Variants in UBE2R2 observed in about 807,000 individuals in gnomAD.
UBE2R2 encodes the protein ubiquitin-conjugating enzyme E2 R2.
UBE2R2 carries 1 observed loss-of-function variant against 27.8 expected under a neutral mutation model. The observed-to-expected ratio is 0.04, with a 90% CI of 0.01 to 0.17. The LOEUF is 0.17. Ranked by LOEUF, UBE2R2 falls within the 10% of genes least tolerant of loss-of-function variation. The probability of loss-of-function intolerance (pLI) is 1.00; values close to 1 mark genes in which losing one functional copy is unlikely to be tolerated. For missense variants in UBE2R2, 100 were observed against 291.0 expected, an observed-to-expected ratio of 0.34 and a Z score of 4.78; for synonymous variants, 106 against 113.3, an observed-to-expected ratio of 0.94 and a Z score of 0.41.
chr9:33,840,077 TG>T (rs912916825), intron 1 of UBE2R2, among the ~76,000 whole-genome samples: 1 of 152,222 alleles, frequency 6.6e-6, no homozygotes, highest in Admixed American at 6.5e-5. Flanking sequence ...TAAGTAGGTA[TG>T]TTTTCTAAGT....
intron 1 of UBE2R2, among the ~76,000 whole-genome samples, chr9:33,847,271 A>G (rs769794027): frequency 1.3e-5 from 2 of 151,418 alleles, no homozygotes; most frequent in Non-Finnish European, 2.9e-5. Context: ...TAATTTTTGT[A>G]TTTTTAGTGG....
chr9:33,917,142 G>C lies in UBE2R2; in HGVS notation c.622G>C (p.Asp208His). Residue 208 changes from aspartate (D) to histidine (H), a missense_variant, in exon 5 of 5, where the codon GAC (aspartate) becomes CAC (histidine). Physicochemically the swap from Asp to His is moderately conservative, Grantham distance 81. This residue lies in a region of UBE2R2 where 55 missense variants were observed against 122.6 expected (regional missense o/e 0.45). Coordinates refer to ENST00000263228, the MANE Select transcript of UBE2R2 (RefSeq NM_017811.4). ...TGACAACAGCTCAGATTTGCTTTAC[G>C]ACGACTTGTATGATGACGACATTGA... ...SNDNSSDLLY[D>H]DLYDDDIDDE... The C allele has an allele frequency of 6.2e-7, 1 of 1,614,134 alleles. No homozygotes were observed. The highest frequency in any genetic ancestry group is 8.5e-7 in the Non-Finnish European group (1 of 1,180,024).
At chr9:33,883,176 G>A (rs1821769435) in intron 1 of UBE2R2, among the ~76,000 whole-genome samples, 1 of 152,146 alleles carries the variant, frequency 6.6e-6, no homozygotes, top group African/African-American at 2.4e-5. Flanking sequence ...ACAAAACTTA[G>A]TGAATGCAAG....
intron 1 of UBE2R2, among the ~76,000 whole-genome samples, chr9:33,861,366 G>T (rs990521887): frequency 5.9e-5 from 9 of 152,034 alleles, no homozygotes; most frequent in Non-Finnish European, 1.2e-4. Context: ...TCAGGAGTTT[G>T]AGACTAGCCT....
intron 1 of UBE2R2, among the ~76,000 whole-genome samples, chr9:33,825,456 G>A (rs373469463): frequency 5.3e-5 from 8 of 152,026 alleles, no homozygotes; most frequent in East Asian, 3.9e-4. Context: ...GGTCAGGGTG[G>A]TCTCAAACTC....
intron 1 of UBE2R2, among the ~76,000 whole-genome samples, chr9:33,861,928 A>G (rs1412609586): frequency 7.0e-6 from 1 of 143,360 alleles, no homozygotes; most frequent in Non-Finnish European, 1.5e-5. Flanking sequence ...ATCTTGGCTC[A>G]GTGCAACCTC....
chr9:33,876,672 T>C (rs1267699521), intron 1 of UBE2R2, among the ~76,000 whole-genome samples: 1 of 152,082 alleles, frequency 6.6e-6, no homozygotes, highest in African/African-American at 2.4e-5. Context: ...TCCCAGCACT[T>C]TGAGAGGCCG....
At chr9:33,892,667 C>A (rs1181933870) in intron 2 of UBE2R2, among the ~76,000 whole-genome samples, 1 of 152,074 alleles carries the variant, frequency 6.6e-6, no homozygotes, top group East Asian at 1.9e-4. Context: ...GGATTTTATG[C>A]ATATTTATGT....
chr9:33,872,712 G>C (rs2130781578), intron 1 of UBE2R2, among the ~76,000 whole-genome samples: 1 of 152,100 alleles, frequency 6.6e-6, no homozygotes, highest in South Asian at 2.1e-4. Context: ...CTTGAACCTG[G>C]GAGGTGGAGG....
At chr9:33,834,177 G>A (rs1345141943) in intron 1 of UBE2R2, among the ~76,000 whole-genome samples, 6 of 151,530 alleles carry the variant, frequency 4.0e-5, no homozygotes, top group South Asian at 2.1e-4. Flanking sequence ...GTGTAGTGAC[G>A]GATTCTTGGA....
chr9:33,903,043 G>C (rs1324333738), intron 3 of UBE2R2, among the ~76,000 whole-genome samples: 1 of 151,950 alleles, frequency 6.6e-6, no homozygotes, highest in Non-Finnish European at 1.5e-5. Flanking sequence ...AGGTTGCGGT[G>C]AGCCAGGATC....
In UBE2R2 at chr9:33,892,301, T is replaced by C. The variant is rs192666057; in HGVS notation, c.264+5334T>C. ...ATATTTTTCACAAACTGTATTACAA[T>C]GAGAGTTCATATAACACTTTCTTTA... On this transcript the variant is annotated intron_variant, in intron 2 of 4. Coordinates refer to ENST00000263228, the MANE Select transcript of UBE2R2 (RefSeq NM_017811.4). Among the ~76,000 whole-genome samples, 20 of 152,324 alleles carry C rather than the reference T, an allele frequency of 1.3e-4. No homozygotes were observed. In the East Asian group the frequency reaches 3.7e-3, roughly 28 times the overall value.
chr9:33,917,170 A>G lies in UBE2R2; in HGVS notation c.650A>G (p.Asp217Gly). ...GACTTGTATGATGACGACATTGATG[A>G]TGAAGATGAGGAGGAGGAAGATGCC... The part of the protein sequence containing the change: ...YDDLYDDDID[D>G]EDEEEEDADC... The change falls in exon 5 of 5, where the codon GAT becomes GGT. Residue 217 changes from aspartate to glycine, a missense_variant. Around this residue, in one of 3 missense-constraint regions of UBE2R2, gnomAD observed 55 missense variants for 122.6 expected, o/e 0.45. Transcript: ENST00000263228. 6.2e-7 allele frequency: 1 copy of G among 1,614,200 alleles called. No homozygotes were observed. The highest frequency in any genetic ancestry group is 8.5e-7 in the Non-Finnish European group (1 of 1,180,040).
At chr9:33,886,486 C>G (rs1821855329) in intron 1 of UBE2R2, among the ~76,000 whole-genome samples, 2 of 151,990 alleles carry the variant, frequency 1.3e-5, no homozygotes, top group Non-Finnish European at 2.9e-5. Context: ...GAAACCCCGT[C>G]TCTACTAAAA....
chr9:33,909,988 A>G (rs1822448135), intron 3 of UBE2R2, among the ~76,000 whole-genome samples: 1 of 152,160 alleles, frequency 6.6e-6, no homozygotes, highest in Admixed American at 6.5e-5. Flanking sequence ...GCCCAGAGCA[A>G]AAGGGTATTT....
At chr9:33,883,831 A>T (rs1053757109) in intron 1 of UBE2R2, among the ~76,000 whole-genome samples, 94 of 147,414 alleles carry the variant, frequency 6.4e-4, no homozygotes, top group Non-Finnish European at 1.2e-3. Flanking sequence ...TTTTTTTTTT[A>T]ATTTCAGTTT....
At chr9:33,827,535 G>A (rs1820341852) in intron 1 of UBE2R2, among the ~76,000 whole-genome samples, 1 of 152,002 alleles carries the variant, frequency 6.6e-6, no homozygotes, top group Non-Finnish European at 1.5e-5. Flanking sequence ...CAGCTACTTG[G>A]GAGGCTCAGG....
In UBE2R2 at chr9:33,893,804, G is replaced by A. The variant is rs1259902429; in HGVS notation, c.265-6370G>A. Among the ~76,000 whole-genome samples the A allele has an allele frequency of 8.6e-5, 13 of 152,036 alleles. No homozygotes were observed. The South Asian group carries it at 2.5e-3, about 29-fold the overall frequency. Reference sequence around the variant, plus strand: ...GCACCACCACGCCCAGCTATTTTTTGTATTTTTAGTAGAGACGGGATTTTG... The same window carrying A: ...GCACCACCACGCCCAGCTATTTTTTATATTTTTAGTAGAGACGGGATTTTG... On this transcript the variant is annotated intron_variant, in intron 2 of 4. Coordinates refer to ENST00000263228, the MANE Select transcript of UBE2R2 (RefSeq NM_017811.4).
In UBE2R2 at chr9:33,827,156, CTG is replaced by C. The variant is rs200002454; in HGVS notation, c.177+9224_177+9225del. On this transcript the variant is annotated intron_variant, in intron 1 of 4. Coordinates refer to ENST00000263228, the MANE Select transcript of UBE2R2 (RefSeq NM_017811.4). The stretch of plus-strand genomic sequence containing the variant: ...TTATTATTATTATTATTTTTTGACG[CTG>C]TTCGAATAAAAAAAAATTAGTCAAG... 6.5e-3 allele frequency among the ~76,000 whole-genome samples: 995 copies of C among 152,002 alleles called. 21 individuals carry two copies. In the East Asian group the frequency reaches 0.069, roughly 11 times the overall value.
Sources: gnomAD v4.1 joint callset for allele counts (sites outside exome capture counted in the v4.1 genomes callset) on GRCh38, gnomAD v4.1.1 for gene constraint, gnomAD v4.1.1 regional missense constraint, MANE v1.5 for transcripts, NCBI Gene and HGNC (gene_info 2026-07-23, HGNC 2026-07-21) for gene names.